Variants in TBC1D13 observed in about 807,000 individuals in gnomAD.
TBC1D13 encodes epididymis secretory sperm binding protein.
A neutral mutation model predicts 53.6 loss-of-function variants in TBC1D13; 40 were observed. The ratio of observed to expected loss-of-function variants is 0.75; its 90% CI spans 0.58 to 0.97. The LOEUF is 0.97. TBC1D13 is among the 50% of genes least tolerant of loss of function. TBC1D13 has a pLI of 0.00. For missense variants in TBC1D13, 377 were observed against 499.4 expected (o/e 0.75, Z 2.34); for synonymous variants, 182 against 197.7 (o/e 0.92, Z 0.67).
chr9:128,804,224 A>AGCTGCT (rs1829787625), intron 9 of TBC1D13, 105 bp downstream of exon 9: 4 of 1,338,194 alleles, frequency 3.0e-6, no homozygotes, highest in Non-Finnish European at 2.0e-6. Context: ...GGTCAGAAGT[A>AGCTGCT]GCTGCTGCTG....
Position 128,794,191 on chromosome 9 carries a change from G to A in TBC1D13, c.383+1617G>A, listed in dbSNP as rs927605500. 3.9e-5 allele frequency among the ~76,000 whole-genome samples: 6 copies of A among 152,128 alleles called. No homozygotes were observed. The East Asian group carries it at 5.8e-4, about 15-fold the overall frequency. Reference sequence around the variant, plus strand: ...CAGCACATGAGAGTGCCCTGTGGCCGGGGAAGAAGGCGCATGGCAGGATAA... The same window carrying A: ...CAGCACATGAGAGTGCCCTGTGGCCAGGGAAGAAGGCGCATGGCAGGATAA... On this transcript the variant is annotated intron_variant, in intron 6 of 11. Coordinates refer to ENST00000372648, the MANE Select transcript of TBC1D13 (RefSeq NM_018201.5).
rs903655177 is a variant in TBC1D13 at position 128,808,187 on chromosome 9, C to T, written c.*308C>T. On this transcript the variant is annotated 3_prime_UTR_variant, in exon 12 of 12. Transcript: ENST00000372648. The stretch of plus-strand genomic sequence containing the variant: ...GGCTGGCAGGGGCCCCTCCCTGCCT[C>T]GGCTCTGCCGCCCCAGCCTCAGTTC... The T allele has an allele frequency of 3.1e-5, 12 of 385,194 alleles. No individual in the cohort carries two copies. Among genetic ancestry groups the T allele is most frequent in the African/African-American group, 1.0e-4 (5 of 49,540 alleles). 23.9% of individuals were successfully genotyped at this position (385,194 alleles called of 1,614,324 possible). A position where few individuals can be genotyped will look rare whatever the true frequency, so the allele number is the denominator to read the frequency against.
At position 128,791,501 on chromosome 9, in the gene TBC1D13, G is replaced by A. The variant is rs185222652; in HGVS notation, c.200+60G>A. On this transcript the variant is annotated intron_variant, in intron 4 of 11. Coordinates refer to ENST00000372648, the MANE Select transcript of TBC1D13 (RefSeq NM_018201.5). Reference sequence around the variant, plus strand: ...CCTTGCATGTGACAGAGCCAGTACCGCTGGGGCCGCCCTGCCTCCTGCGGC... The same window carrying A: ...CCTTGCATGTGACAGAGCCAGTACCACTGGGGCCGCCCTGCCTCCTGCGGC... 753 of 1,607,114 alleles carry A rather than the reference G, an allele frequency of 4.7e-4. No individual in the cohort carries two copies. In the African/African-American group the frequency reaches 7.7e-3, roughly 16 times the overall value.
intron 6 of TBC1D13, among the ~76,000 whole-genome samples, chr9:128,796,818 C>T (rs1014111907): frequency 6.6e-6 from 1 of 151,872 alleles, no homozygotes; most frequent in Admixed American, 6.6e-5. Context: ...CGCCTGTAGT[C>T]CCAGCTACTT....
rs202230830 is a variant in TBC1D13 at position 128,791,332 on chromosome 9, G to A, written c.139-48G>A. The A allele has an allele frequency of 4.1e-5, 64 of 1,561,036 alleles. 1 individual carries two copies. The South Asian group carries it at 5.3e-4, about 13-fold the overall frequency. On this transcript the variant is annotated intron_variant, in intron 3 of 11. Transcript: ENST00000372648. ...CTGTCATCCCCGCCTAAAGACTGAC[G>A]TTGGTGCAGGAGGGTCACCAGAGCT...
chr9:128,788,462 A>G, intron 2 of TBC1D13, 55 bp downstream of exon 2: 1 of 1,532,506 alleles, frequency 6.5e-7, no homozygotes, highest in African/African-American at 1.4e-5. Context: ...TGTGGCTAGA[A>G]TACAGGGGGA....
intron 4 of TBC1D13, 27 bp downstream of exon 4, chr9:128,791,468 A>T: frequency 6.2e-7 from 1 of 1,613,154 alleles, no homozygotes; most frequent in Non-Finnish European, 8.5e-7. Context: ...GGGCAGTGAC[A>T]GGAGGGCCCT....
At chr9:128,798,776 CA>C (rs1212513909) in intron 7 of TBC1D13, among the ~76,000 whole-genome samples, 1 of 152,202 alleles carries the variant, frequency 6.6e-6, no homozygotes, top group Non-Finnish European at 1.5e-5. Context: ...TGTCTTCCAT[CA>C]ATGGAAAAAC....
Position 128,792,527 on chromosome 9 carries a change from G to A in TBC1D13, c.336G>A (p.Thr112=), listed in dbSNP as rs7046372. ...CCAACCCTGACAGCCGGTGGAACAC[G>A]TACTTCAAGGACAACGAGGTGCTGC... ...LNPNPDSRWN[T]YFKDNEVLLQ... Residue 112 remains threonine (T), a synonymous_variant, in exon 6 of 12, where the codon ACG becomes ACA. Transcript: ENST00000372648. 113 of 1,614,132 alleles carry A rather than the reference G, an allele frequency of 7.0e-5. 1 individual carries two copies. The highest frequency in any genetic ancestry group is 6.3e-4 in the South Asian group (57 of 91,078).
chr9:128,795,122 C>T (rs1412031695), intron 6 of TBC1D13, among the ~76,000 whole-genome samples: 2 of 151,030 alleles, frequency 1.3e-5, no homozygotes, highest in African/African-American at 4.8e-5. Context: ...GTGGCTTGAT[C>T]TTAGCTCACT....
At chr9:128,787,865 C>G (rs1034014387) in intron 1 of TBC1D13, among the ~76,000 whole-genome samples, 5 of 152,096 alleles carry the variant, frequency 3.3e-5, no homozygotes, top group African/African-American at 1.2e-4. Context: ...TTTGTCCTTG[C>G]CTTCTGGCAG....
chr9:128,804,040 C>T lies in TBC1D13; in HGVS notation c.839C>T (p.Ser280Leu), dbSNP rs145803578. 5.6e-5 allele frequency: 90 copies of T among 1,613,944 alleles called. No individual in the cohort carries two copies. Among genetic ancestry groups the T allele is most frequent in the Non-Finnish European group, 7.1e-5 (84 of 1,180,030 alleles). The change falls in exon 9 of 12, where the codon TCG becomes TTG. Residue 280 changes from serine (S) to leucine (L), a missense_variant. Ser to Leu is a moderately radical substitution (Grantham distance 145, BLOSUM62 -2). Transcript: ENST00000372648. ...AACTTTATCAAGAGCCTGGATGACT[C>T]GCAGTGTGGCATCACCTACAAGATG... ...RDNFIKSLDD[S>L]QCGITYKMEK...
At chr9:128,804,996 T>G (rs892931448) in intron 9 of TBC1D13, among the ~76,000 whole-genome samples, 3 of 152,246 alleles carry the variant, frequency 2.0e-5, no homozygotes, top group Admixed American at 1.3e-4. Context: ...CCCAAAGTGC[T>G]GGGATTACAG....
At chr9:128,790,696 T>G (rs1372086080) in intron 2 of TBC1D13, 39 bp from the exon 3 acceptor site, 1 of 1,528,146 alleles carries the variant, frequency 6.5e-7, no homozygotes, top group Non-Finnish European at 8.7e-7. Context: ...GTTCTGGGAC[T>G]CTGGCCTGGG....
In TBC1D13 at chr9:128,792,186, C is replaced by T. The variant is rs574229687; in HGVS notation, c.301-306C>T. Among the ~76,000 whole-genome samples the T allele has an allele frequency of 3.3e-5, 5 of 152,326 alleles. No homozygotes were observed. The South Asian group carries it at 1.0e-3, about 32-fold the overall frequency. ...ATTCAGCAAGCAAACATTTACTGAG[C>T]ACCTGTTATATGCAAAGTTCTTGAG... On this transcript the variant is annotated intron_variant, in intron 5 of 11. Transcript: ENST00000372648.
In TBC1D13 at chr9:128,804,127, C is replaced by A. The variant is rs1170903319; in HGVS notation, c.918+8C>A. On this transcript the variant is annotated splice_region_variant and intron_variant, in intron 9 of 11. Transcript: ENST00000372648. ...GAGCTCTACCTGAAACTGGTGAGGA[C>A]CCCAGGAACAGACGGGTGGAAAGGG... The A allele has an allele frequency of 1.2e-6, 2 of 1,613,044 alleles. No homozygotes were observed. The highest frequency in any genetic ancestry group is 2.7e-5 in the African/African-American group (2 of 74,882).
At chr9:128,797,836 A>G (rs921480623) in intron 7 of TBC1D13, among the ~76,000 whole-genome samples, 1 of 152,200 alleles carries the variant, frequency 6.6e-6, no homozygotes, top group African/African-American at 2.4e-5. Flanking sequence ...GGCCAGGCAC[A>G]ATGGCCCATG....
chr9:128,796,478 C>G (rs896808181), intron 6 of TBC1D13, among the ~76,000 whole-genome samples: 4 of 151,840 alleles, frequency 2.6e-5, no homozygotes, highest in African/African-American at 9.7e-5. Context: ...CTCAAACTCC[C>G]GACCTCAGGT....
intron 7 of TBC1D13, among the ~76,000 whole-genome samples, chr9:128,800,257 A>T (rs779376904): frequency 4.0e-5 from 6 of 151,874 alleles, no homozygotes; most frequent in Non-Finnish European, 7.4e-5. Context: ...CGGGCCCAGC[A>T]CTTGATTTAC....
Sources: gnomAD v4.1 joint callset for allele counts (sites outside exome capture counted in the v4.1 genomes callset) on GRCh38, gnomAD v4.1.1 for gene constraint, MANE v1.5 for transcripts, NCBI Gene and HGNC (gene_info 2026-07-23, HGNC 2026-07-21) for gene names.